CYP2E1: variants seen among roughly 807,000 people sequenced by gnomAD.
The protein encoded by CYP2E1 is cytochrome P450 2E1.
CYP2E1 carries 31 observed loss-of-function variants against 42.9 expected under a neutral mutation model. That is an observed-to-expected ratio of 0.72 (90% confidence interval 0.54 to 0.98). CYP2E1 has a LOEUF of 0.98. Ranked by LOEUF, CYP2E1 falls within the 50% of genes least tolerant of loss-of-function variation. The pLI is 0.00. For synonymous variants in CYP2E1, 244 were observed against 248.9 expected, an observed-to-expected ratio of 0.98 and a Z score of 0.19; for missense variants, 565 against 633.2, an observed-to-expected ratio of 0.89 and a Z score of 1.16.
intron 2 of CYP2E1, among the ~76,000 whole-genome samples, chr10:133,529,795 G>A (rs940431863): frequency 1.3e-5 from 2 of 152,234 alleles, no homozygotes; most frequent in African/African-American, 2.4e-5. Context: ...CCTTGTCTCC[G>A]GAAGCGGGCA....
At chr10:133,528,447 G>A in intron 1 of CYP2E1, 34 bp from the exon 2 acceptor site, 1 of 1,607,588 alleles carries the variant, frequency 6.2e-7, no homozygotes, top group African/African-American at 1.3e-5. Flanking sequence ...CTCGCCGCGC[G>A]GCGGGCCTGA....
intron 2 of CYP2E1, 29 bp downstream of exon 2, chr10:133,528,669 G>T: frequency 6.2e-7 from 1 of 1,611,784 alleles, no homozygotes; most frequent in South Asian, 1.1e-5. Context: ...CACGGAGCGG[G>T]GGGTGCATAA....
At chr10:133,537,007 A>ATGATGGGTGGG in intron 6 of CYP2E1, 56 bp from the exon 7 acceptor site, 1 of 1,536,818 alleles carries the variant, frequency 6.5e-7, no homozygotes, top group South Asian at 1.2e-5. Flanking sequence ...TGATGGGTGG[A>ATGATGGGTGGG]TGCCCAACTG....
At chr10:133,528,684 C>T (rs775047394) in intron 2 of CYP2E1, 44 bp downstream of exon 2, 2 of 1,605,892 alleles carry the variant, frequency 1.2e-6, no homozygotes, top group East Asian at 4.5e-5. Flanking sequence ...GCATAACACG[C>T]CCCGGGACAG....
intron 1 of CYP2E1, chr10:133,527,966 G>A (rs895925372): frequency 1.2e-5 from 3 of 242,690 alleles, no homozygotes; most frequent in African/African-American, 4.5e-5. Flanking sequence ...TGCCGCCTAC[G>A]ACTGTTGTGA....
rs1321416513 is a variant in CYP2E1 at position 133,536,995 on chromosome 10, G to C, written c.968-68G>C. 2.7e-6 allele frequency: 4 copies of C among 1,457,414 alleles called. No homozygotes were observed. In the African/African-American group the frequency reaches 5.6e-5, roughly 20 times the overall value. 90.3% of individuals were successfully genotyped at this position (1,457,414 alleles called of 1,614,324 possible). Reference sequence around the variant, plus strand: ...AAAAGCGTGATTGAATAGATGGGTGGATGATGGGTGGATGCCCAACTGGCC... The same window carrying C: ...AAAAGCGTGATTGAATAGATGGGTGCATGATGGGTGGATGCCCAACTGGCC... On this transcript the variant is annotated intron_variant, in intron 6 of 8. Coordinates refer to ENST00000252945, the MANE Select transcript of CYP2E1 (RefSeq NM_000773.4).
rs1346042812 is a variant in CYP2E1 at position 133,538,725 on chromosome 10, G to GT, written c.1298-54dup. 4 of 1,504,556 alleles carry GT rather than the reference G, an allele frequency of 2.7e-6. No individual in the cohort carries two copies. In the African/African-American group the frequency reaches 5.5e-5, roughly 21 times the overall value. The allele number at this position is 1,504,556 out of a possible 1,614,324, so 93.2% of individuals were successfully genotyped here. ...GCTTCCCCTAGTCTCACTGTTAACA[G>GT]TGTCGTGTCTCTGAAACTCCCTCAG... is the stretch of plus-strand genomic sequence containing the variant. On this transcript the variant is annotated intron_variant, in intron 8 of 8. Coordinates refer to ENST00000252945, the MANE Select transcript of CYP2E1 (RefSeq NM_000773.4).
intron 1 of CYP2E1, 168 bp from the exon 2 acceptor site, chr10:133,528,313 C>G (rs1355630560): frequency 1.3e-6 from 1 of 746,528 alleles, no homozygotes; most frequent in Non-Finnish European, 2.1e-6. Flanking sequence ...GCAGCAGCCT[C>G]TTGAGGGGAG....
chr10:133,530,414 C>T (rs923438661), intron 2 of CYP2E1, among the ~76,000 whole-genome samples: 26 of 152,266 alleles, frequency 1.7e-4, no homozygotes, highest in African/African-American at 6.3e-4. Flanking sequence ...CCACCTGTCT[C>T]CTCAGTCCTT....
chr10:133,529,425 T>C (rs1415263839), intron 2 of CYP2E1, among the ~76,000 whole-genome samples: 2 of 152,206 alleles, frequency 1.3e-5, no homozygotes, highest in Non-Finnish European at 2.9e-5. Context: ...CCTCCCTGCC[T>C]GCCCTGCGGT....
At chr10:133,538,106 T>A (rs1589957437) in intron 8 of CYP2E1, among the ~76,000 whole-genome samples, 1 of 11,672 alleles carries the variant, frequency 8.6e-5, no homozygotes, top group South Asian at 0.013. Context: ...AATGAAGTGT[T>A]GTTGTAGGTG....
chr10:133,538,895 CAGCCCTATACATA>C lies in CYP2E1; in HGVS notation c.1414_1426del (p.Ser472LeufsTer63). 1.2e-6 allele frequency: 2 copies of C among 1,614,100 alleles called. No homozygotes were observed. Among genetic ancestry groups the C allele is most frequent in the South Asian group, 1.1e-5 (1 of 91,072 alleles). On this transcript the variant is annotated frameshift_variant, in exon 9 of 9. Transcript: ENST00000252945. LOFTEE classifies it low-confidence loss of function (END_TRUNC). ...TCGTTGACCCAAAGGATATCGACCT[CAGCCCTATACATA>C]TTGGGTTTGGCTGTATCCCACCACG...
At position 133,533,909 on chromosome 10, in the gene CYP2E1, A is replaced by C. The variant is rs748500791; in HGVS notation, c.967+12A>C. On this transcript the variant is annotated intron_variant, in intron 6 of 8. Coordinates refer to ENST00000252945, the MANE Select transcript of CYP2E1 (RefSeq NM_000773.4). Reference sequence around the variant, plus strand: ...CCCTGAGATCGAAGGTAGGCAAGTGACTGAAGGGACACCGTGCGTGCGGCT... The same window carrying C: ...CCCTGAGATCGAAGGTAGGCAAGTGCCTGAAGGGACACCGTGCGTGCGGCT... The C allele has an allele frequency of 6.2e-7, 1 of 1,613,862 alleles. No homozygotes were observed. The highest frequency in any genetic ancestry group is 1.7e-5 in the Admixed American group (1 of 60,022).
chr10:133,538,484 G>C (rs971931430), intron 8 of CYP2E1, among the ~76,000 whole-genome samples: 1 of 152,154 alleles, frequency 6.6e-6, no homozygotes, highest in African/African-American at 2.4e-5. Flanking sequence ...TGAGCACTGG[G>C]GGTGCCTTCT....
In CYP2E1 at chr10:133,532,298, C is replaced by G. The variant is rs770796390; in HGVS notation, c.648+14C>G. 16 of 1,607,940 alleles carry G rather than the reference C, an allele frequency of 1.0e-5. No homozygotes were observed. In the East Asian group the frequency reaches 3.6e-4, roughly 36 times the overall value. On this transcript the variant is annotated intron_variant, in intron 4 of 8. Transcript: ENST00000252945. ...CCCTGGCTCCAGGTGAAGCCACTTT[C>G]CTCTTTCATCAGTCATCAACTGTAG...
rs945150523 is a variant in CYP2E1, at chr10:133,538,906, A to G, written c.1424A>G (p.His475Arg). The G allele has an allele frequency of 1.2e-6, 2 of 1,613,786 alleles. No homozygotes were observed. Among genetic ancestry groups the G allele is most frequent in the African/African-American group, 1.3e-5 (1 of 74,990 alleles). Residue 475 changes from histidine (H) to arginine (R), a missense_variant, in exon 9 of 9, where the codon CAT (histidine) becomes CGT (arginine). Coordinates refer to ENST00000252945, the MANE Select transcript of CYP2E1 (RefSeq NM_000773.4). The part of the protein sequence containing the change: ...DPKDIDLSPI[H>R]IGFGCIPPRY... ...AAGGATATCGACCTCAGCCCTATAC[A>G]TATTGGGTTTGGCTGTATCCCACCA...
At chr10:133,531,475 C>T (rs1159787982) in intron 2 of CYP2E1, 110 bp from the exon 3 acceptor site, 2 of 1,292,200 alleles carry the variant, frequency 1.5e-6, no homozygotes, top group East Asian at 2.3e-5. Context: ...CCCCCTCTGT[C>T]ACTTCTTTAT....
Position 133,532,270 on chromosome 10 carries a change from A to G in CYP2E1, c.634A>G (p.Thr212Ala), listed in dbSNP as rs778445040. The change falls in exon 4 of 9, where the codon ACT becomes GCT. Residue 212 changes from threonine to alanine, a missense_variant. Coordinates refer to ENST00000252945, the MANE Select transcript of CYP2E1 (RefSeq NM_000773.4). ...LFNENFHLLS[T>A]PWLQLYNNFP... Reference sequence around the variant, plus strand: ...TAATGAGAACTTCCACCTACTCAGCACTCCCTGGCTCCAGGTGAAGCCACT... The same window carrying G: ...TAATGAGAACTTCCACCTACTCAGCGCTCCCTGGCTCCAGGTGAAGCCACT... 1.1e-5 allele frequency: 18 copies of G among 1,612,500 alleles called. No homozygotes were observed. Among genetic ancestry groups the G allele is most frequent in the Non-Finnish European group, 1.4e-5 (16 of 1,178,900 alleles).
At chr10:133,527,859 T>C (rs557334551) in intron 1 of CYP2E1, among the ~76,000 whole-genome samples, 1 of 152,356 alleles carries the variant, frequency 6.6e-6, no homozygotes, top group East Asian at 1.9e-4. Flanking sequence ...ATAACCGGGC[T>C]GGCGGCCAGA....
Sources: gnomAD v4.1 joint callset for allele counts (sites outside exome capture counted in the v4.1 genomes callset) on GRCh38, gnomAD v4.1.1 for gene constraint, MANE v1.5 for transcripts, NCBI Gene and HGNC (gene_info 2026-07-23, HGNC 2026-07-21) for gene names.